The following ASIC2 variants were observed in gnomAD, a reference collection of about 807,000 sequenced individuals.
The protein encoded by ASIC2 is acid-sensing ion channel 2.
ASIC2 carries 25 observed loss-of-function variants against 57.3 expected under a neutral mutation model. That is an observed-to-expected ratio of 0.44 (90% CI 0.32 to 0.61). ASIC2 has a LOEUF of 0.61. Among genes scored for constraint, ASIC2 ranks in the 20% least tolerant of loss-of-function variants. The pLI is 0.06. For missense variants in ASIC2, 641 were observed against 738.1 expected, an observed-to-expected ratio of 0.87 and a Z score of 1.52; for synonymous variants, 319 against 307.5, an observed-to-expected ratio of 1.04 and a Z score of -0.39.
chr17:33,073,640 C>A (rs2092078199), intron 3 of ASIC2, among the ~76,000 whole-genome samples: 1 of 152,142 alleles, frequency 6.6e-6, no homozygotes, highest in South Asian at 2.1e-4. Context: ...AATGGCAGCT[C>A]CACTCAGTGA....
intron 1 of ASIC2, among the ~76,000 whole-genome samples, chr17:34,008,604 A>G (rs979919073): frequency 5.3e-5 from 8 of 152,188 alleles, no homozygotes; most frequent in African/African-American, 4.8e-5. Context: ...AGAGAGACCA[A>G]TGCTGCAGGA....
At chr17:33,291,274 G>T in intron 1 of ASIC2, 134 bp downstream of exon 1, 1 of 1,424,390 alleles carries the variant, frequency 7.0e-7, no homozygotes, top group Non-Finnish European at 9.1e-7. Context: ...CCAAGAATGG[G>T]TTCTGCCTTG....
At chr17:34,119,470 G>A (rs1017764744) in intron 1 of ASIC2, among the ~76,000 whole-genome samples, 2 of 152,098 alleles carry the variant, frequency 1.3e-5, no homozygotes, top group African/African-American at 4.8e-5. Context: ...TTAATGCTTA[G>A]AGGATCTCTT....
rs145487367 is a variant in ASIC2 at position 33,622,977 on chromosome 17, G to A, written c.556-510910C>T. ...CTCTGGCACTGGTAGTTCATTGGTC[G>A]AATTTTTTATTTGGACATTTATTTA... On this transcript the variant is annotated intron_variant, in intron 1 of 9. Transcript: ENST00000359872. Among the ~76,000 whole-genome samples, 8 of 152,278 alleles carry A rather than the reference G, an allele frequency of 5.3e-5. No individual in the cohort carries two copies. In the East Asian group the frequency reaches 5.8e-4, roughly 11 times the overall value.
intron 1 of ASIC2, among the ~76,000 whole-genome samples, chr17:33,395,875 C>A (rs531171534): frequency 6.6e-6 from 1 of 152,114 alleles, no homozygotes; most frequent in Admixed American, 6.5e-5. Flanking sequence ...TCTTAACCTC[C>A]CCAGATGCAC....
intron 1 of ASIC2, among the ~76,000 whole-genome samples, chr17:33,603,752 T>A (rs1431214099): frequency 1.3e-5 from 2 of 152,230 alleles, no homozygotes; most frequent in African/African-American, 4.8e-5. Context: ...GATAAACTCC[T>A]AGATTTCAGT....
intron 1 of ASIC2, among the ~76,000 whole-genome samples, chr17:33,845,574 A>C (rs71379416): frequency 6.6e-6 from 1 of 151,986 alleles, no homozygotes; most frequent in African/African-American, 2.4e-5. Flanking sequence ...CTAAGTCTCA[A>C]TTTTCCAAGT....
At position 33,966,433 on chromosome 17, in the gene ASIC2, T is replaced by C. The variant is rs118190377; in HGVS notation, c.555+189545A>G. 4.6e-4 allele frequency among the ~76,000 whole-genome samples: 70 copies of C among 152,316 alleles called. 2 individuals are homozygous for C. The East Asian group carries it at 0.01, about 23-fold the overall frequency. ...TCCTATGAGGATTAAAAGGAGATAA[T>C]GTATGTAAAGTAGCTTATATAATAC... On this transcript the variant is annotated intron_variant, in intron 1 of 9. Coordinates refer to the ASIC2 transcript ENST00000359872.
chr17:33,686,378 T>TC (rs1033055709), intron 1 of ASIC2, among the ~76,000 whole-genome samples: 1 of 152,054 alleles, frequency 6.6e-6, no homozygotes, highest in Non-Finnish European at 1.5e-5. Context: ...GTGTAAGGGC[T>TC]CCCCCTGCTG....
At chr17:33,997,363 A>G (rs1489935802) in intron 1 of ASIC2, among the ~76,000 whole-genome samples, 2 of 116,444 alleles carry the variant, frequency 1.7e-5, no homozygotes, top group Non-Finnish European at 3.3e-5. Flanking sequence ...CATGTTGCCC[A>G]GGGTGGTCTC....
At chr17:33,855,153 C>T (rs62057917) in intron 1 of ASIC2, among the ~76,000 whole-genome samples, 11,546 of 152,112 alleles carry the variant, frequency 0.076, 577 homozygotes, top group Admixed American at 0.12. Context: ...AGCTGACACA[C>T]GAGGGAGATG....
At chr17:33,734,508 G>A (rs552634583) in intron 1 of ASIC2, among the ~76,000 whole-genome samples, 2 of 152,274 alleles carry the variant, frequency 1.3e-5, no homozygotes, top group South Asian at 4.1e-4. Context: ...TTACAGAGAA[G>A]CTGTCAATCT....
intron 1 of ASIC2, among the ~76,000 whole-genome samples, chr17:33,822,893 G>C (rs762923647): frequency 6.6e-6 from 1 of 152,214 alleles, no homozygotes; most frequent in Non-Finnish European, 1.5e-5. Context: ...AAAATGGAAA[G>C]CTTGATCATA....
At chr17:33,636,617 G>A (rs1906375614) in intron 1 of ASIC2, among the ~76,000 whole-genome samples, 1 of 152,090 alleles carries the variant, frequency 6.6e-6, no homozygotes, top group Non-Finnish European at 1.5e-5. Flanking sequence ...ACATGTCTCT[G>A]GGCTGCTTTC....
At chr17:33,723,370 C>A (rs1480216511) in intron 1 of ASIC2, among the ~76,000 whole-genome samples, 1 of 151,938 alleles carries the variant, frequency 6.6e-6, no homozygotes. Flanking sequence ...GCTCTGTCAC[C>A]CAGGCTGGAG....
chr17:33,572,912 G>T (rs1267559049), intron 1 of ASIC2, among the ~76,000 whole-genome samples: 10 of 152,172 alleles, frequency 6.6e-5, no homozygotes, highest in Admixed American at 6.5e-4. Context: ...CATGCACACT[G>T]CCTGTGACCT....
chr17:33,608,577 G>T (rs1287640199), intron 1 of ASIC2, among the ~76,000 whole-genome samples: 2 of 84,338 alleles, frequency 2.4e-5, no homozygotes, highest in African/African-American at 1.0e-4. Flanking sequence ...GTAGTGCCTG[G>T]GGGGGTCTCT....
At chr17:33,929,518 G>A (rs1915888104) in intron 1 of ASIC2, among the ~76,000 whole-genome samples, 1 of 152,142 alleles carries the variant, frequency 6.6e-6, no homozygotes, top group Non-Finnish European at 1.5e-5. Context: ...AGAGTATACA[G>A]GCTTCCCTGC....
intron 1 of ASIC2, among the ~76,000 whole-genome samples, chr17:34,134,229 A>G (rs1912069500): frequency 6.6e-6 from 1 of 152,198 alleles, no homozygotes; most frequent in African/African-American, 2.4e-5. Flanking sequence ...GGGGTGAACA[A>G]TGATTTAATT....
Sources: gnomAD v4.1 joint callset for allele counts (sites outside exome capture counted in the v4.1 genomes callset) on GRCh38, gnomAD v4.1.1 for gene constraint, MANE v1.5 for transcripts, NCBI Gene and HGNC (gene_info 2026-07-23, HGNC 2026-07-21) for gene names.